ITCH: variants seen among roughly 807,000 people sequenced by gnomAD.
ITCH encodes the protein itchy E3 ubiquitin protein ligase, also known as E3 ubiquitin-protein ligase Itchy homolog.
ITCH carries 28 observed loss-of-function variants against 126.8 expected under a neutral mutation model. The observed-to-expected ratio is 0.22, with a 90% CI of 0.16 to 0.30. The LOEUF (loss-of-function observed/expected upper bound fraction) is 0.30. ITCH is among the 10% of genes least tolerant of loss of function. The probability of loss-of-function intolerance (pLI) is 1.00; values close to 1 mark genes in which losing one functional copy is unlikely to be tolerated. For missense variants in ITCH, 631 were observed against 1,032.4 expected (o/e 0.61, Z 5.33); for synonymous variants, 342 against 340.0 (o/e 1.01, Z -0.06).
At chr20:34,387,302 C>CA (rs879381228) in intron 2 of ITCH, among the ~76,000 whole-genome samples, 1,615 of 121,536 alleles carry the variant, frequency 0.013, 13 homozygotes, top group East Asian at 0.038. Context: ...ATGTCTGTCT[C>CA]AAAAAAAAAA....
At chr20:34,438,225 C>T (rs1319397271) in intron 7 of ITCH, among the ~76,000 whole-genome samples, 1 of 152,186 alleles carries the variant, frequency 6.6e-6, no homozygotes, top group African/African-American at 2.4e-5. Flanking sequence ...CCTAATAGTT[C>T]TGAATGGCCA....
At chr20:34,442,412 C>G in intron 10 of ITCH, 109 bp downstream of exon 10, 3 of 800,426 alleles carry the variant, frequency 3.7e-6, no homozygotes, top group Non-Finnish European at 6.3e-6. Context: ...AGCCCTTTCT[C>G]TGTCCACTTT....
intron 3 of ITCH, among the ~76,000 whole-genome samples, chr20:34,407,373 T>A (rs1019549995): frequency 6.6e-6 from 1 of 152,024 alleles, no homozygotes; most frequent in Non-Finnish European, 1.5e-5. Flanking sequence ...TTCAAGCAAT[T>A]CTCCTGCCTC....
At chr20:34,475,572 G>A (rs1003229758) in intron 16 of ITCH, among the ~76,000 whole-genome samples, 25 of 152,224 alleles carry the variant, frequency 1.6e-4, no homozygotes, top group Non-Finnish European at 1.6e-4. Context: ...GGAGAATCAG[G>A]CAGGGAGGTT....
Position 34,442,283 on chromosome 20 carries a change from A to G in ITCH, c.945A>G (p.Arg315=). 1 of 1,612,230 alleles carries G rather than the reference A, an allele frequency of 6.2e-7. No homozygotes were observed. Among genetic ancestry groups the G allele is most frequent in the South Asian group, 1.1e-5 (1 of 91,044 alleles). Residue 315 remains arginine (R), a synonymous_variant, in exon 10 of 25, where the codon AGA becomes AGG. Coordinates refer to ENST00000374864, the MANE Select transcript of ITCH (RefSeq NM_031483.7). ...DHVEKRTTWD[R]PEPLPPGWER... ...TTGAGAAAAGAACAACATGGGATAG[A>G]CCAGAACCTCTACCTCCTGGGTAAG...
chr20:34,367,897 C>T (rs1452822844), intron 1 of ITCH, among the ~76,000 whole-genome samples: 1 of 152,128 alleles, frequency 6.6e-6, no homozygotes, highest in African/African-American at 2.4e-5. Flanking sequence ...TTAGCCTATG[C>T]GTCTTGACTG....
At chr20:34,487,336 C>G (rs1278655615) in intron 20 of ITCH, among the ~76,000 whole-genome samples, 1 of 152,066 alleles carries the variant, frequency 6.6e-6, no homozygotes, top group Non-Finnish European at 1.5e-5. Flanking sequence ...TCCTGATAAT[C>G]TCTACTTTAT....
chr20:34,451,875 C>A (rs894083578), intron 12 of ITCH, among the ~76,000 whole-genome samples: 1 of 151,964 alleles, frequency 6.6e-6, no homozygotes, highest in African/African-American at 2.4e-5. Flanking sequence ...GGAGATCAGC[C>A]TGGGCAACAT....
chr20:34,414,073 T>C (rs1246535771), intron 6 of ITCH, among the ~76,000 whole-genome samples, 194 bp downstream of exon 6: 2 of 151,654 alleles, frequency 1.3e-5, no homozygotes, highest in Non-Finnish European at 1.5e-5. Flanking sequence ...AGCTTGGAGG[T>C]TGAGGCTGCT....
At chr20:34,482,304 C>T (rs201934415) in intron 20 of ITCH, among the ~76,000 whole-genome samples, 1 of 152,216 alleles carries the variant, frequency 6.6e-6, no homozygotes, top group Non-Finnish European at 1.5e-5. Context: ...TCAGCATTAA[C>T]TCAAAAGTCC....
intron 7 of ITCH, among the ~76,000 whole-genome samples, chr20:34,425,887 A>G (rs1199142867): frequency 6.6e-6 from 1 of 152,212 alleles, no homozygotes; most frequent in Admixed American, 6.5e-5. Context: ...TCCTGGGCCC[A>G]CTGTTCTTTC....
At chr20:34,477,677 C>A in intron 16 of ITCH, 95 bp from the exon 17 acceptor site, 1 of 1,094,498 alleles carries the variant, frequency 9.1e-7, no homozygotes, top group Non-Finnish European at 1.4e-6. Context: ...TGGGAGATTT[C>A]AGTTACCTAT....
intron 22 of ITCH, 103 bp from the exon 23 acceptor site, chr20:34,492,398 C>T: frequency 1.3e-6 from 1 of 782,526 alleles, no homozygotes; most frequent in Non-Finnish European, 2.1e-6. Context: ...GACACCTCAC[C>T]TCTAAAAAAA....
intron 1 of ITCH, among the ~76,000 whole-genome samples, chr20:34,366,329 CT>C (rs1390257614): frequency 6.6e-6 from 1 of 152,044 alleles, no homozygotes; most frequent in Admixed American, 6.6e-5. Context: ...CTCAAGTGAT[CT>C]TCCCACCCCA....
intron 2 of ITCH, among the ~76,000 whole-genome samples, chr20:34,384,852 C>T (rs1277995968): frequency 2.6e-5 from 4 of 151,284 alleles, no homozygotes; most frequent in Admixed American, 6.6e-5. Flanking sequence ...TTAGTAGAGG[C>T]GGGGTTTCAC....
At chr20:34,398,737 T>G (rs2038765718) in intron 3 of ITCH, among the ~76,000 whole-genome samples, 1 of 152,108 alleles carries the variant, frequency 6.6e-6, no homozygotes, top group African/African-American at 2.4e-5. Flanking sequence ...TCTTTTTCTT[T>G]TTTTAATTCA....
At chr20:34,459,599 T>A (rs563695115) in intron 13 of ITCH, among the ~76,000 whole-genome samples, 1 of 152,296 alleles carries the variant, frequency 6.6e-6, no homozygotes, top group East Asian at 1.9e-4. Flanking sequence ...TCTTTTGGTA[T>A]AATTATAATT....
chr20:34,444,224 C>A (rs1243541748), intron 10 of ITCH, among the ~76,000 whole-genome samples: 1 of 152,120 alleles, frequency 6.6e-6, no homozygotes, highest in South Asian at 2.1e-4. Context: ...ACAATCAATT[C>A]TTTCAAATGT....
At chr20:34,410,363 A>G (rs1978825048) in intron 4 of ITCH, among the ~76,000 whole-genome samples, 1 of 146,378 alleles carries the variant, frequency 6.8e-6, no homozygotes, top group African/African-American at 2.6e-5. Context: ...TGACAAGTGA[A>G]ACTCTGTCTC....
Sources: gnomAD v4.1 joint callset for allele counts (sites outside exome capture counted in the v4.1 genomes callset) on GRCh38, gnomAD v4.1.1 for gene constraint, MANE v1.5 for transcripts, NCBI Gene and HGNC (gene_info 2026-07-23, HGNC 2026-07-21) for gene names.